Variants in SIAH3 observed in about 807,000 individuals in gnomAD.
SIAH3 encodes seven in absentia homolog 3.
Under a neutral mutation model 12.6 loss-of-function variants are expected in SIAH3, and 9 were observed. That is an observed-to-expected ratio of 0.72 (90% CI 0.43 to 1.25). The LOEUF (loss-of-function observed/expected upper bound fraction) is 1.25, where lower values mean the gene tolerates loss of function less well. SIAH3 is among the 50% of genes most tolerant of loss of function. SIAH3 has a pLI of 0.00. For missense variants in SIAH3, 390 were observed against 365.4 expected (o/e 1.07, Z -0.55); for synonymous variants, 154 against 151.1 (o/e 1.02, Z -0.14).
chr13:45,803,165 C>T (rs1401272131), intron 1 of SIAH3, among the ~76,000 whole-genome samples: 1 of 152,138 alleles, frequency 6.6e-6, no homozygotes, highest in Non-Finnish European at 1.5e-5. Flanking sequence ...GTGAGGCCTG[C>T]ATTTTCTATA....
At chr13:45,797,625 C>A (rs906478750) in intron 1 of SIAH3, among the ~76,000 whole-genome samples, 3 of 152,130 alleles carry the variant, frequency 2.0e-5, no homozygotes, top group Admixed American at 2.0e-4. Context: ...ATCACCTGGG[C>A]ATCTTGTTAA....
At chr13:45,797,828 G>A (rs1319611370) in intron 1 of SIAH3, among the ~76,000 whole-genome samples, 1 of 152,164 alleles carries the variant, frequency 6.6e-6, no homozygotes, top group Non-Finnish European at 1.5e-5. Context: ...ATCCCTTTAG[G>A]AATCAAATAG....
At chr13:45,821,031 CA>C (rs1012776747) in intron 1 of SIAH3, among the ~76,000 whole-genome samples, 5 of 152,194 alleles carry the variant, frequency 3.3e-5, no homozygotes, top group African/African-American at 7.2e-5. Context: ...AATAGTCTCC[CA>C]AAAAGATGTT....
intron 1 of SIAH3, among the ~76,000 whole-genome samples, chr13:45,841,380 G>A (rs1950739576): frequency 6.6e-6 from 1 of 152,154 alleles, no homozygotes; most frequent in African/African-American, 2.4e-5. Flanking sequence ...GGGCTGCAGT[G>A]GCCCATCTCT....
At chr13:45,814,060 A>G (rs1046817318) in intron 1 of SIAH3, among the ~76,000 whole-genome samples, 10 of 152,002 alleles carry the variant, frequency 6.6e-5, no homozygotes, top group Non-Finnish European at 1.3e-4. Flanking sequence ...AACACGGTGA[A>G]ACCCCGTTTC....
chr13:45,850,884 C>T (rs564585001), intron 1 of SIAH3, among the ~76,000 whole-genome samples: 1 of 150,754 alleles, frequency 6.6e-6, no homozygotes, highest in African/African-American at 2.4e-5. Context: ...CGCATCTAAC[C>T]AGCAGGAAGG....
rs900997211 is a variant in SIAH3 at position 45,779,682 on chromosome 13, G to A, written c.*3701C>T. The A allele has an allele frequency of 1.3e-5, 2 of 152,194 alleles. No individual in the cohort carries two copies. The highest frequency in any genetic ancestry group is 4.8e-5 in the African/African-American group (2 of 41,450). 9.4% of individuals were successfully genotyped at this position (152,194 alleles called of 1,614,324 possible). A position where few individuals can be genotyped will look rare whatever the true frequency, so the allele number is the denominator to read the frequency against. On this transcript the variant is annotated 3_prime_UTR_variant, in exon 2 of 2. Transcript: ENST00000400405. ...TAAAGAGCACCTGCTTGCTAAGGTTGTTATGGGGATTACATGATCTACTAT... is the reference window on the plus strand; with the variant it reads ...TAAAGAGCACCTGCTTGCTAAGGTTATTATGGGGATTACATGATCTACTAT...
rs1193045104 is a variant in SIAH3 at position 45,783,564 on chromosome 13, C to A, written c.629G>T (p.Arg210Leu). Residue 210 changes from arginine to leucine, a missense_variant, in exon 2 of 2, where the codon CGG becomes CTG. Transcript: ENST00000400405. ...GGGCGTGGCCTCCCACTTGAGGCGC[C>A]GATGGTTTCTGTTGAGCTCCAGGCG... ...TYRLELNRNH[R>L]RLKWEATPRS... 6.2e-7 allele frequency: 1 copy of A among 1,614,064 alleles called. No individual in the cohort carries two copies. Among genetic ancestry groups the A allele is most frequent in the Non-Finnish European group, 8.5e-7 (1 of 1,180,036 alleles).
intron 1 of SIAH3, among the ~76,000 whole-genome samples, chr13:45,802,794 A>T (rs1950586547): frequency 6.6e-6 from 1 of 152,168 alleles, no homozygotes; most frequent in Non-Finnish European, 1.5e-5. Context: ...GCTGCAGGCC[A>T]GGCGTGGTGG....
intron 1 of SIAH3, among the ~76,000 whole-genome samples, chr13:45,810,423 C>T (rs1950612569): frequency 2.0e-5 from 3 of 152,126 alleles, no homozygotes; most frequent in Non-Finnish European, 4.4e-5. Flanking sequence ...TACTTAAAAT[C>T]CAGGAGGTAT....
At chr13:45,849,816 G>A (rs1222713482) in intron 1 of SIAH3, among the ~76,000 whole-genome samples, 2 of 152,168 alleles carry the variant, frequency 1.3e-5, no homozygotes, top group African/African-American at 4.8e-5. Flanking sequence ...AAATGCTAAA[G>A]TCTCATAAGC....
intron 1 of SIAH3, 107 bp downstream of exon 1, chr13:45,851,388 G>A: frequency 6.8e-7 from 1 of 1,464,286 alleles, no homozygotes; most frequent in Non-Finnish European, 9.4e-7. Context: ...CAGCCCCCGA[G>A]ACCCGGGTTT....
At chr13:45,792,663 G>C (rs557209130) in intron 1 of SIAH3, among the ~76,000 whole-genome samples, 1 of 152,098 alleles carries the variant, frequency 6.6e-6, no homozygotes, top group East Asian at 1.9e-4. Context: ...TGGCCATGAA[G>C]GTATAATTAT....
chr13:45,827,697 T>G (rs1950683774), intron 1 of SIAH3, among the ~76,000 whole-genome samples: 1 of 152,210 alleles, frequency 6.6e-6, no homozygotes, highest in East Asian at 1.9e-4. Context: ...AATTCCTGGC[T>G]ACATCAGGCT....
At chr13:45,830,910 A>C (rs1950696319) in intron 1 of SIAH3, among the ~76,000 whole-genome samples, 1 of 152,122 alleles carries the variant, frequency 6.6e-6, no homozygotes, top group Non-Finnish European at 1.5e-5. Flanking sequence ...AGGGCCTGGT[A>C]GCTCACACCT....
chr13:45,790,538 C>A (rs1212438906), intron 1 of SIAH3, among the ~76,000 whole-genome samples: 1 of 152,180 alleles, frequency 6.6e-6, no homozygotes, highest in Non-Finnish European at 1.5e-5. Context: ...GGCTGACAAG[C>A]GTTAGCTGAT....
intron 1 of SIAH3, among the ~76,000 whole-genome samples, chr13:45,826,972 G>C (rs183609420): frequency 6.6e-6 from 1 of 152,256 alleles, no homozygotes; most frequent in East Asian, 1.9e-4. Context: ...TTAGTCTCTC[G>C]AGTAAACCAC....
chr13:45,791,504 G>A (rs989182029), intron 1 of SIAH3, among the ~76,000 whole-genome samples: 1 of 151,858 alleles, frequency 6.6e-6, no homozygotes, highest in African/African-American at 2.4e-5. Flanking sequence ...GAAATATGGT[G>A]TGTGTGTGTG....
intron 1 of SIAH3, among the ~76,000 whole-genome samples, chr13:45,832,435 GA>G (rs990413644): frequency 6.6e-6 from 1 of 152,134 alleles, no homozygotes; most frequent in Non-Finnish European, 1.5e-5. Context: ...CATGTAAATG[GA>G]AACATCTAAT....
Sources: gnomAD v4.1 joint callset for allele counts (sites outside exome capture counted in the v4.1 genomes callset) on GRCh38, gnomAD v4.1.1 for gene constraint, MANE v1.5 for transcripts, NCBI Gene and HGNC (gene_info 2026-07-23, HGNC 2026-07-21) for gene names.